SYNJ2: variants seen among roughly 807,000 people sequenced by gnomAD.
SYNJ2 encodes the protein polyphosphatidylinositol phosphatase SYNJ2.
SYNJ2 carries 116 observed loss-of-function variants against 141.3 expected under a neutral mutation model. The observed-to-expected ratio is 0.82, with a 90% CI of 0.71 to 0.96. The LOEUF is 0.96. SYNJ2 is among the 40% of genes least tolerant of loss of function. SYNJ2 has a pLI of 0.00. For missense variants in SYNJ2, 1,873 were observed against 1,934.8 expected (o/e 0.97, Z 0.60); for synonymous variants, 745 against 777.7 (o/e 0.96, Z 0.70).
chr6:158,056,683 T>C (rs1308794584), intron 6 of SYNJ2, among the ~76,000 whole-genome samples: 1 of 152,256 alleles, frequency 6.6e-6, no homozygotes, highest in Non-Finnish European at 1.5e-5. Context: ...ATGTGCATTG[T>C]CCTGGGTGCT....
chr6:158,067,320 T>C, intron 12 of SYNJ2: 1 of 648,300 alleles, frequency 1.5e-6, no homozygotes, highest in Non-Finnish European at 1.9e-6. Context: ...CGCCTGGCCC[T>C]GCCTTCAGTG....
At chr6:158,016,217 C>T (rs1017521238) in intron 1 of SYNJ2, among the ~76,000 whole-genome samples, 3 of 152,074 alleles carry the variant, frequency 2.0e-5, no homozygotes, top group Admixed American at 2.0e-4. Flanking sequence ...GGGTTCAAGC[C>T]ATCCCCCTGC....
chr6:158,022,083 G>A (rs1778806297), intron 2 of SYNJ2, among the ~76,000 whole-genome samples: 1 of 152,210 alleles, frequency 6.6e-6, no homozygotes, highest in African/African-American at 2.4e-5. Flanking sequence ...ATGCCGCATG[G>A]GCACACAGTG....
chr6:158,066,302 C>T lies in SYNJ2; in HGVS notation c.1526-142C>T, dbSNP rs760242779. On this transcript the variant is annotated intron_variant, in intron 11 of 26. Coordinates refer to ENST00000355585, the MANE Select transcript of SYNJ2 (RefSeq NM_003898.4). ...GTGACCGTGGTTTTAAGCCTTTTGTCGTCTTCGTAAGGAGCATACCCTGGT... is the reference window on the plus strand; with the variant it reads ...GTGACCGTGGTTTTAAGCCTTTTGTTGTCTTCGTAAGGAGCATACCCTGGT... The T allele has an allele frequency of 3.5e-5, 32 of 907,378 alleles. No individual in the cohort carries two copies. In the South Asian group the frequency reaches 3.8e-4, roughly 11 times the overall value. The allele number at this position is 907,378 out of a possible 1,614,324, so 56.2% of individuals were successfully genotyped here. A position where few individuals can be genotyped will look rare whatever the true frequency, so the allele number is the denominator to read the frequency against.
intron 2 of SYNJ2, among the ~76,000 whole-genome samples, chr6:158,026,365 C>T (rs1034810848): frequency 2.0e-5 from 3 of 152,250 alleles, no homozygotes; most frequent in Non-Finnish European, 4.4e-5. Context: ...CTTAACCTCT[C>T]TGTGCGTCTG....
intron 7 of SYNJ2, 31 bp from the exon 8 acceptor site, chr6:158,061,961 T>C (rs777755502): frequency 1.2e-6 from 2 of 1,606,728 alleles, no homozygotes; most frequent in Middle Eastern, 1.8e-4. Context: ...TTCCCTCTGC[T>C]CCCCTCACCG....
intron 1 of SYNJ2, among the ~76,000 whole-genome samples, chr6:157,989,429 T>A (rs1282753388): frequency 1.1e-4 from 2 of 18,852 alleles, no homozygotes; most frequent in African/African-American, 3.3e-4. Flanking sequence ...AAAAAATGAA[T>A]ATATATATAT....
intron 12 of SYNJ2, chr6:158,067,522 T>C (rs1365265448): frequency 3.0e-6 from 3 of 985,366 alleles, no homozygotes; most frequent in Non-Finnish European, 3.6e-6. Context: ...AATAAATGAT[T>C]CTTGTCCAGT....
In SYNJ2 at chr6:158,086,863, G is replaced by A; in HGVS notation, c.3217G>A (p.Asp1073Asn). Residue 1073 changes from aspartate to asparagine, a missense_variant, in exon 23 of 27, where the codon GAC becomes AAC. Transcript: ENST00000355585. ...KQHPTYKDDA[D>N]LVELKRELEA... ...CCCGCCATGTCCTCCAGATGACGCGGACCTGGTGGAGCTCAAGCGGGAGCT... is the reference window on the plus strand; with the variant it reads ...CCCGCCATGTCCTCCAGATGACGCGAACCTGGTGGAGCTCAAGCGGGAGCT... The A allele has an allele frequency of 6.2e-7, 1 of 1,611,648 alleles. No homozygotes were observed.
In SYNJ2 at chr6:158,033,737, CACACGCGCTTT is replaced by C. The variant is rs558207776; in HGVS notation, c.711+58_711+68del. Reference sequence around the variant, plus strand: ...TGGTTCCGAGTGGCTGCAGCTCTTGCACACGCGCTTTCCACTTGGGGCAGAAGAGGCCCTGG... The same window carrying C: ...TGGTTCCGAGTGGCTGCAGCTCTTGCCCACTTGGGGCAGAAGAGGCCCTGG... On this transcript the variant is annotated intron_variant, in intron 4 of 26. Coordinates refer to ENST00000355585, the MANE Select transcript of SYNJ2 (RefSeq NM_003898.4). 41 of 1,534,226 alleles carry C rather than the reference CACACGCGCTTT, an allele frequency of 2.7e-5. No homozygotes were observed. The East Asian group carries it at 9.1e-4, about 34-fold the overall frequency.
At position 158,017,270 on chromosome 6, in the gene SYNJ2, G is replaced by A; in HGVS notation, c.194G>A (p.Gly65Glu). 1.9e-6 allele frequency: 3 copies of A among 1,613,752 alleles called. No individual in the cohort carries two copies. In the South Asian group the frequency reaches 3.3e-5, roughly 18 times the overall value. The change falls in exon 2 of 27, where the codon GGG becomes GAG. Residue 65 changes from glycine (G) to glutamate (E), a missense_variant. Gly to Glu is a moderately conservative substitution (Grantham distance 98). Transcript: ENST00000355585. The part of the protein sequence containing the change: ...GKLTDAYGCL[G>E]ELRLKSGGTS... ...CTCACGGACGCGTACGGCTGCCTGG[G>A]GGAGCTGAGGCTGAAATCTGGTGAG... is the stretch of plus-strand genomic sequence containing the variant.
At chr6:157,993,826 T>G (rs1259299899) in intron 1 of SYNJ2, among the ~76,000 whole-genome samples, 2 of 72,350 alleles carry the variant, frequency 2.8e-5, no homozygotes, top group Admixed American at 1.2e-4. Context: ...TTTTTTTTTT[T>G]TTTTTTGGGA....
In SYNJ2 at chr6:158,043,177, A is replaced by C; in HGVS notation, c.712-139A>C. On this transcript the variant is annotated intron_variant, in intron 4 of 26. Transcript: ENST00000355585. This position sits in a 1 kb window ranked among gnomAD's most constrained non-coding sequence, Gnocchi z 4.0. Reference sequence around the variant, plus strand: ...GTCAGGGCGCATTGCCGGATGGGGGAGCAGAGGACGCCGGAGTCCACCGTC... The same window carrying C: ...GTCAGGGCGCATTGCCGGATGGGGGCGCAGAGGACGCCGGAGTCCACCGTC... 1.5e-6 allele frequency: 1 copy of C among 666,266 alleles called. No homozygotes were observed. Among genetic ancestry groups the C allele is most frequent in the Non-Finnish European group, 2.6e-6 (1 of 382,894 alleles). 41.3% of individuals were successfully genotyped at this position (666,266 alleles called of 1,614,324 possible). A position where few individuals can be genotyped will look rare whatever the true frequency, so the allele number is the denominator to read the frequency against.
At position 158,027,040 on chromosome 6, in the gene SYNJ2, G is replaced by A. The variant is rs1779083946; in HGVS notation, c.215-1716G>A. ...GATGGGATCAACCCCCTGCCCTGCTGGCAGCCCCACCCCATGGCATAGCAG... is the reference window on the plus strand; with the variant it reads ...GATGGGATCAACCCCCTGCCCTGCTAGCAGCCCCACCCCATGGCATAGCAG... On this transcript the variant is annotated intron_variant, in intron 2 of 26. Transcript: ENST00000355585. This position sits in a 1 kb window ranked among gnomAD's most constrained non-coding sequence, Gnocchi z 4.6. 1 of 985,276 alleles carries A rather than the reference G, an allele frequency of 1.0e-6. No homozygotes were observed. Among genetic ancestry groups the A allele is most frequent in the Admixed American group, 6.1e-5 (1 of 16,266 alleles). The allele number at this position is 985,276 out of a possible 1,614,324, so 61.0% of individuals were successfully genotyped here.
chr6:158,072,648 G>A (rs1051973460), intron 15 of SYNJ2, among the ~76,000 whole-genome samples: 1 of 151,836 alleles, frequency 6.6e-6, no homozygotes, highest in South Asian at 2.1e-4. Flanking sequence ...TCATTAAGAA[G>A]TGCCATAATT....
At chr6:158,014,446 C>G (rs561262155) in intron 1 of SYNJ2, among the ~76,000 whole-genome samples, 2 of 152,354 alleles carry the variant, frequency 1.3e-5, no homozygotes, top group South Asian at 4.1e-4. Context: ...GAACCTAACT[C>G]TGCATTTCCT....
intron 1 of SYNJ2, among the ~76,000 whole-genome samples, chr6:157,992,168 A>G (rs185988465): frequency 2.0e-5 from 3 of 152,296 alleles, no homozygotes; most frequent in Non-Finnish European, 4.4e-5. Flanking sequence ...GTACAGTTAA[A>G]TTATATAGTC....
At chr6:158,026,259 C>G (rs573002078) in intron 2 of SYNJ2, among the ~76,000 whole-genome samples, 2 of 152,222 alleles carry the variant, frequency 1.3e-5, no homozygotes, top group East Asian at 3.9e-4. Flanking sequence ...AGCACCAGCT[C>G]TGGGGCCAGA....
rs1461751758 is a variant in SYNJ2, at chr6:158,074,888, A to T, written c.2292+150A>T. ...AAAATAGGTGGGCTTGTGAGGTTAC[A>T]GTACAGGAGTGGCTGTTCATACACA... is the stretch of plus-strand genomic sequence containing the variant. On this transcript the variant is annotated intron_variant, in intron 16 of 26. Transcript: ENST00000355585. 10 of 893,390 alleles carry T rather than the reference A, an allele frequency of 1.1e-5. No individual in the cohort carries two copies. The Admixed American group carries it at 1.2e-4, about 11-fold the overall frequency. The allele number at this position is 893,390 out of a possible 1,614,324, so 55.3% of individuals were successfully genotyped here.
Sources: allele counts gnomAD v4.1 joint callset (sites outside exome capture counted in the v4.1 genomes callset), GRCh38; gene constraint gnomAD v4.1.1; non-coding constraint Gnocchi (gnomAD v3.1); transcripts MANE v1.5; gene names NCBI Gene and HGNC (gene_info 2026-07-23, HGNC 2026-07-21).